MYO15B: variants seen among roughly 807,000 people sequenced by gnomAD.
MYO15B encodes myosin XVB pseudogene.
Under a neutral mutation model 119.3 loss-of-function variants are expected in MYO15B, and 207 were observed. The observed-to-expected ratio is 1.73, with a 90% confidence interval of 1.55 to 1.95. The LOEUF (loss-of-function observed/expected upper bound fraction) is 1.95. MYO15B is among the 30% of genes most tolerant of loss of function. MYO15B has a pLI of 0.00. For missense variants in MYO15B, 2,264 were observed against 1,203.1 expected (o/e 1.88, Z -13.04); for synonymous variants, 966 against 498.9 (o/e 1.94, Z -12.48).
chr17:75,601,429 C>T lies in MYO15B; in HGVS notation c.3526-9C>T, dbSNP rs1328044739. ...GAGGCGTGAAGGGAGCTCATGGCTC[C>T]TCTCCTAGGCCACGGACCACACCTT... is the stretch of plus-strand genomic sequence containing the variant. On this transcript the variant is annotated splice_polypyrimidine_tract_variant and intron_variant, in intron 14 of 63. Coordinates refer to ENST00000645453, the Ensembl canonical transcript of MYO15B. 3 of 702,800 alleles carry T rather than the reference C, an allele frequency of 4.3e-6. No homozygotes were observed. Among genetic ancestry groups the T allele is most frequent in the South Asian group, 3.0e-5 (2 of 67,594 alleles). The allele number at this position is 702,800 out of a possible 1,614,324, so 43.5% of individuals were successfully genotyped here. A position where few individuals can be genotyped will look rare whatever the true frequency, so the allele number is the denominator to read the frequency against.
At chr17:75,612,143 G>A (rs1451355524) in intron 25 of MYO15B, 127 bp downstream of exon 25, 3 of 632,716 alleles carry the variant, frequency 4.7e-6, no homozygotes, top group Non-Finnish European at 8.6e-6. Flanking sequence ...CTTTGGGGCT[G>A]TGAGTAGCGC....
At chr17:75,626,127 C>A (rs1339383133) in exon 63 of MYO15B, 1 of 703,106 alleles carries the variant, frequency 1.4e-6, no homozygotes. Flanking sequence ...CCTGCAGCGG[C>A]TCCACCTGCT....
chr17:75,613,627 A>C, intron 28 of MYO15B, 78 bp from the exon 29 acceptor site: 3 of 674,920 alleles, frequency 4.4e-6, no homozygotes, highest in Non-Finnish European at 8.1e-6. Flanking sequence ...TGAAACTCTC[A>C]TGGGGACAGC....
intron 21 of MYO15B, among the ~76,000 whole-genome samples, chr17:75,609,485 A>ATTTTTTTTTTTTTTTTT (rs749247022): frequency 7.7e-5 from 6 of 77,996 alleles, no homozygotes; most frequent in Non-Finnish European, 1.2e-4. Flanking sequence ...AAGGGAAATG[A>ATTTTTTTTTTTTTTTTT]TTTTTTTTTT....
At chr17:75,597,029 C>T (rs1385875356) in intron 14 of MYO15B, 130 bp downstream of exon 14, 4 of 591,116 alleles carry the variant, frequency 6.8e-6, no homozygotes, top group Non-Finnish European at 1.2e-5. Context: ...GATCACAGTT[C>T]CTCAGCACAG....
intron 21 of MYO15B, 139 bp from the exon 22 acceptor site, chr17:75,610,027 T>A (rs1280345332): frequency 8.4e-5 from 44 of 522,382 alleles, no homozygotes; most frequent in African/African-American, 3.9e-5. Flanking sequence ...TCTTTTCCTG[T>A]CGTTTCTGTG....
intron 28 of MYO15B, 54 bp from the exon 29 acceptor site, chr17:75,613,651 C>A: frequency 1.4e-6 from 1 of 693,302 alleles, no homozygotes. Flanking sequence ...CCCTTCCTGT[C>A]AGGGTGGACT....
chr17:75,601,282 G>C (rs193101670), intron 14 of MYO15B, among the ~76,000 whole-genome samples, 156 bp from the exon 15 acceptor site: 1 of 152,072 alleles, frequency 6.6e-6, no homozygotes, highest in East Asian at 1.9e-4. Flanking sequence ...CAAACGATCC[G>C]ACCACCTCGG....
At position 75,602,644 on chromosome 17, in the gene MYO15B, A is replaced by T. The variant is rs1415874398; in HGVS notation, c.3729+50A>T. On this transcript the variant is annotated intron_variant, in intron 16 of 63. Coordinates refer to ENST00000645453, the Ensembl canonical transcript of MYO15B. The stretch of plus-strand genomic sequence containing the variant: ...CCACCCGCTCCATACTCTGTCCCCC[A>T]ATTCTGTCCTTTTCCCCCTGGGCGC... The T allele has an allele frequency of 9.7e-6, 6 of 619,820 alleles. No homozygotes were observed. In the African/African-American group the frequency reaches 1.1e-4, roughly 11 times the overall value. 38.4% of individuals were successfully genotyped at this position (619,820 alleles called of 1,614,324 possible). A position where few individuals can be genotyped will look rare whatever the true frequency, so the allele number is the denominator to read the frequency against.
chr17:75,616,442 A>G, exon 38 of MYO15B: 5 of 638,942 alleles, frequency 7.8e-6, no homozygotes, highest in South Asian at 1.8e-5. Flanking sequence ...TGGAAACAAG[A>G]GCAGGTTGTG....
intron 12 of MYO15B, 25 bp downstream of exon 12, chr17:75,594,997 G>A (rs2056758423): frequency 1.4e-6 from 1 of 702,292 alleles, no homozygotes; most frequent in Non-Finnish European, 2.6e-6. Flanking sequence ...TGGGGCCCAG[G>A]AAAGGGGGCA....
intron 60 of MYO15B, 54 bp downstream of exon 60, chr17:75,625,292 C>T: frequency 1.5e-6 from 1 of 660,088 alleles, no homozygotes; most frequent in Non-Finnish European, 2.8e-6. Context: ...AAGGTCAAGG[C>T]CATTTGACTG....
intron 21 of MYO15B, among the ~76,000 whole-genome samples, chr17:75,609,648 C>T (rs952904623): frequency 4.6e-5 from 7 of 151,230 alleles, no homozygotes; most frequent in Non-Finnish European, 8.8e-5. Flanking sequence ...TCTCTCCCTC[C>T]TCCCTCCTCC....
chr17:75,590,635 T>C (rs2056378866), exon 2 of MYO15B: 1 of 203,748 alleles, frequency 4.9e-6, no homozygotes, highest in South Asian at 1.9e-4. Context: ...GGCTGGTGTG[T>C]GACAGCTCTG....
chr17:75,588,876 G>A (rs577325841), exon 1 of MYO15B: 1 of 398,350 alleles, frequency 2.5e-6, no homozygotes, highest in Non-Finnish European at 4.4e-6. Context: ...GGGACACTGG[G>A]CCGGCCAAGG....
At chr17:75,592,004 A>G (rs2056495249) in exon 6 of MYO15B, 3 of 702,774 alleles carry the variant, frequency 4.3e-6, no homozygotes, top group Non-Finnish European at 7.8e-6. Flanking sequence ...TATACTCAGC[A>G]GCTTTGGCCA....
intron 19 of MYO15B, among the ~76,000 whole-genome samples, chr17:75,603,528 C>T (rs138668440): frequency 2.0e-5 from 3 of 152,356 alleles, no homozygotes; most frequent in East Asian, 1.9e-4. Flanking sequence ...TCCACGCATT[C>T]GTCATTTCTT....
chr17:75,610,073 T>C (rs1453297289), intron 21 of MYO15B, 93 bp from the exon 22 acceptor site: 2 of 557,344 alleles, frequency 3.6e-6, no homozygotes, highest in Non-Finnish European at 6.5e-6. Flanking sequence ...AAGTCAGTTT[T>C]TACATGAATG....
chr17:75,591,648 C>T (rs1418847192), exon 5 of MYO15B: 9 of 702,750 alleles, frequency 1.3e-5, no homozygotes, highest in Admixed American at 2.0e-5. Context: ...ACGGAAGCCG[C>T]CAAAAAGATC....
Sources: gnomAD v4.1 joint callset for allele counts (sites outside exome capture counted in the v4.1 genomes callset) on GRCh38, gnomAD v4.1.1 for gene constraint, MANE v1.5 for transcripts, NCBI Gene and HGNC (gene_info 2026-07-23, HGNC 2026-07-21) for gene names.